Variants in GNAS observed in about 807,000 individuals in gnomAD.
GNAS encodes protein ALEX.
In GNAS, 8 loss-of-function variants were observed where a neutral mutation model predicts 54.5. That is an observed-to-expected ratio of 0.15 (90% CI 0.09 to 0.26). The LOEUF (loss-of-function observed/expected upper bound fraction) is 0.26. Ranked by LOEUF, GNAS falls within the 10% of genes least tolerant of loss-of-function variation. The probability of loss-of-function intolerance (pLI) is 1.00; values close to 1 mark genes in which losing one functional copy is unlikely to be tolerated. For missense variants in GNAS, 170 were observed against 529.8 expected (o/e 0.32, Z 6.67); for synonymous variants, 204 against 191.4 (o/e 1.07, Z -0.54).
chr20:58,882,018 C>G (rs370213772), intron 1 of GNAS, among the ~76,000 whole-genome samples: 1 of 152,176 alleles, frequency 6.6e-6, no homozygotes, highest in African/African-American at 2.4e-5. Flanking sequence ...CTTTTCCCTA[C>G]CTTTCTAGAC....
intron 1 of GNAS, among the ~76,000 whole-genome samples, chr20:58,870,955 CCT>C (rs1345393915): frequency 1.3e-5 from 2 of 152,176 alleles, no homozygotes; most frequent in South Asian, 2.1e-4. Flanking sequence ...ATTATCTCCC[CCT>C]GTTCTTTACT....
At chr20:58,868,857 TGAAA>T (rs1348853638) in intron 1 of GNAS, among the ~76,000 whole-genome samples, 1 of 152,012 alleles carries the variant, frequency 6.6e-6, no homozygotes, top group Non-Finnish European at 1.5e-5. Context: ...GTGGAAACAA[TGAAA>T]GAAAGCAAGG....
In GNAS at chr20:58,909,308, G is replaced by A. The variant is rs1004902; in HGVS notation, c.586-42G>A. ...TTAGATTGGCAATTATTACTGTTTCGGTTGGCTTTGGTGAGATCCATTGAC... is the reference window on the plus strand; with the variant it reads ...TTAGATTGGCAATTATTACTGTTTCAGTTGGCTTTGGTGAGATCCATTGAC... On this transcript the variant is annotated intron_variant, in intron 7 of 12. Transcript: ENST00000371085. This position sits in a 1 kb window ranked among gnomAD's most constrained non-coding sequence, Gnocchi z 7.3. 35,814 of 1,587,694 alleles carry A rather than the reference G, an allele frequency of 0.023. 481 individuals are homozygous for A. Among genetic ancestry groups the A allele is most frequent in the Middle Eastern group, 0.031 (187 of 6,016 alleles).
rs202069520 is a variant in GNAS at position 58,855,062 on chromosome 20, C to T, written c.43+14176C>T. On this transcript the variant is annotated intron_variant, in intron 1 of 12. Coordinates refer to the GNAS transcript ENST00000306090. ...GGTTTCAGCATCGGCGAAATCGCCG[C>T]CGCCGAAAGCCCCAGCGCAACTTAC... 8.6e-5 allele frequency: 138 copies of T among 1,613,180 alleles called. 1 individual carries two copies. In the African/African-American group the frequency reaches 1.7e-3, roughly 19 times the overall value.
At chr20:58,889,791 G>A (rs2088954761), upstream of GNAS, among the ~76,000 whole-genome samples, 1 of 151,186 alleles carries the variant, frequency 6.6e-6, no homozygotes, top group East Asian at 1.9e-4. Context: ...CCCGACACGG[G>A]GCGCACGGGG....
upstream of GNAS, chr20:58,888,334 G>C (rs2088744242): frequency 1.3e-5 from 2 of 152,156 alleles, no homozygotes; most frequent in South Asian, 4.1e-4. Context: ...TTTATTGAAT[G>C]AATAAACCGT....
chr20:58,874,840 C>T (rs1352306954), intron 1 of GNAS, among the ~76,000 whole-genome samples: 4 of 152,178 alleles, frequency 2.6e-5, no homozygotes, highest in Non-Finnish European at 5.9e-5. Flanking sequence ...TAGAGATAGT[C>T]TATATTCAAA....
At position 58,853,224 on chromosome 20, in the gene GNAS, T is replaced by C; in HGVS notation, c.43+12338T>C. On this transcript the variant is annotated intron_variant, in intron 1 of 12. Coordinates refer to the GNAS transcript ENST00000306090. The surrounding 1 kb of genome is among the most constrained non-coding windows in gnomAD (Gnocchi z 4.4). ...CCCTAGTTCGGTTGGGTGCTCCATC[T>C]TACGGAGCCCCAAACTTATTTTGAG... is the stretch of plus-strand genomic sequence containing the variant. The C allele has an allele frequency of 6.6e-7, 1 of 1,505,606 alleles. No homozygotes were observed. The allele number at this position is 1,505,606 out of a possible 1,614,324, so 93.3% of individuals were successfully genotyped here. A position where few individuals can be genotyped will look rare whatever the true frequency, so the allele number is the denominator to read the frequency against.
intron 1 of GNAS, among the ~76,000 whole-genome samples, chr20:58,875,334 A>G (rs2087735387): frequency 6.6e-6 from 1 of 152,236 alleles, no homozygotes; most frequent in Non-Finnish European, 1.5e-5. Context: ...TAATCCCATT[A>G]GCTGGCAAAG....
At position 58,840,920 on chromosome 20, in the gene GNAS, G is replaced by C. The variant is rs1481917992; in HGVS notation, c.43+34G>C. The C allele has an allele frequency of 6.2e-7, 1 of 1,608,632 alleles. No individual in the cohort carries two copies. The highest frequency in any genetic ancestry group is 1.3e-5 in the African/African-American group (1 of 74,950). ...CCCACCGCTAAACTGGGGAGCCTGA[G>C]GGCGGTGTGGGAGCAGCGCAGGTGG... On this transcript the variant is annotated intron_variant, in intron 1 of 12. Coordinates refer to the GNAS transcript ENST00000306090. The surrounding 1 kb of genome is among the most constrained non-coding windows in gnomAD (Gnocchi z 6.0).
intron 1 of GNAS, chr20:58,842,682 A>G (rs1384645479): frequency 2.5e-6 from 1 of 395,778 alleles, no homozygotes; most frequent in African/African-American, 2.1e-5. Context: ...TTCCTGCTTA[A>G]TGTAAACAAT....
chr20:58,875,693 C>T (rs75418289), intron 1 of GNAS, among the ~76,000 whole-genome samples: 2 of 152,214 alleles, frequency 1.3e-5, no homozygotes, highest in Non-Finnish European at 2.9e-5. Flanking sequence ...GTGCCCCCCC[C>T]ACCCCATTCA....
At chr20:58,901,421 G>C (rs2090590206) in intron 3 of GNAS, among the ~76,000 whole-genome samples, 1 of 152,140 alleles carries the variant, frequency 6.6e-6, no homozygotes, top group Non-Finnish European at 1.5e-5. Context: ...GAGTCTGGGG[G>C]CCAGAATCAG....
intron 1 of GNAS, among the ~76,000 whole-genome samples, chr20:58,869,210 G>C (rs1427891161): frequency 6.6e-6 from 1 of 152,092 alleles, no homozygotes; most frequent in Non-Finnish European, 1.5e-5. Flanking sequence ...ACAAATCCCT[G>C]GTTCTAGTTT....
intron 3 of GNAS, chr20:58,899,357 C>T (rs2090379152): frequency 1.3e-5 from 7 of 518,840 alleles, no homozygotes; most frequent in South Asian, 1.1e-4. Flanking sequence ...TTCCATCTAC[C>T]CACTGGTTGG....
chr20:58,891,135 G>C (rs1261209937), upstream of GNAS, among the ~76,000 whole-genome samples: 1 of 148,462 alleles, frequency 6.7e-6, no homozygotes, highest in East Asian at 2.1e-4. Context: ...CCGGGGGGTG[G>C]GGGGCGTCTC....
chr20:58,854,609 C>G (rs55666789), intron 1 of GNAS: 3 of 1,537,244 alleles, frequency 2.0e-6, no homozygotes, highest in Non-Finnish European at 2.6e-6. Context: ...CGGCCCCTGA[C>G]GCCCCAGCCG....
upstream of GNAS, chr20:58,891,314 G>GCCGCCT (rs1568976393): frequency 7.0e-6 from 1 of 142,010 alleles, no homozygotes; most frequent in East Asian, 2.4e-4. Context: ...CGCCGCCGCC[G>GCCGCCT]CCTCCTCCTC....
chr20:58,901,469 C>T (rs1485444840), intron 3 of GNAS, among the ~76,000 whole-genome samples: 2 of 152,162 alleles, frequency 1.3e-5, no homozygotes, highest in Non-Finnish European at 2.9e-5. Context: ...GCTCGCTCAC[C>T]TCCCTGTCAT....
Sources: allele counts gnomAD v4.1 joint callset (sites outside exome capture counted in the v4.1 genomes callset), GRCh38; gene constraint gnomAD v4.1.1; non-coding constraint Gnocchi (gnomAD v3.1); transcripts MANE v1.5; gene names NCBI Gene and HGNC (gene_info 2026-07-23, HGNC 2026-07-21).